Variants in CADM2 observed in about 807,000 individuals in gnomAD.
The protein encoded by CADM2 is immunoglobulin superfamily member 4D.
CADM2 carries 12 observed loss-of-function variants against 49.8 expected under a neutral mutation model. The ratio of observed to expected loss-of-function variants is 0.24; its 90% confidence interval spans 0.15 to 0.39. The LOEUF is 0.39. Ranked by LOEUF, CADM2 falls within the 10% of genes least tolerant of loss-of-function variation. The pLI is 1.00. For missense variants in CADM2, 378 were observed against 492.3 expected (o/e 0.77, Z 2.20); for synonymous variants, 214 against 175.4 (o/e 1.22, Z -1.74).
At chr3:85,538,202 A>C (rs2061465097) in intron 1 of CADM2, among the ~76,000 whole-genome samples, 1 of 152,106 alleles carries the variant, frequency 6.6e-6, no homozygotes, top group Admixed American at 6.6e-5. Context: ...TTTCCTTCCA[A>C]TGCCATGAGA....
chr3:85,315,588 C>G (rs956346776), intron 1 of CADM2, among the ~76,000 whole-genome samples: 1 of 152,032 alleles, frequency 6.6e-6, no homozygotes, highest in South Asian at 2.1e-4. Context: ...AGCTACTACA[C>G]AAGTACAAAC....
intron 1 of CADM2, among the ~76,000 whole-genome samples, chr3:85,554,950 A>G (rs2061920548): frequency 6.6e-6 from 1 of 150,696 alleles, no homozygotes; most frequent in African/African-American, 2.5e-5. Context: ...TCCCAGCCTC[A>G]AACCATCCTC....
At chr3:85,886,460 C>T in intron 5 of CADM2, 133 bp downstream of exon 5, 1 of 623,124 alleles carries the variant, frequency 1.6e-6, no homozygotes, top group Non-Finnish European at 2.7e-6. Flanking sequence ...ACCAGATTTA[C>T]CCATTCTTAA....
intron 1 of CADM2, among the ~76,000 whole-genome samples, chr3:85,181,600 C>A (rs2040936407): frequency 6.6e-6 from 1 of 151,914 alleles, no homozygotes; most frequent in South Asian, 2.1e-4. Flanking sequence ...GGAAGTTTCT[C>A]TAAAAATAAG....
intron 3 of CADM2, among the ~76,000 whole-genome samples, chr3:85,837,363 C>T (rs2074456429): frequency 6.6e-6 from 1 of 151,304 alleles, no homozygotes. Context: ...TTTTAAGTGA[C>T]TATAATATTA....
At chr3:85,688,955 A>G (rs1306320582) in intron 1 of CADM2, among the ~76,000 whole-genome samples, 1 of 152,218 alleles carries the variant, frequency 6.6e-6, no homozygotes, top group Non-Finnish European at 1.5e-5. Flanking sequence ...GAGAAATGAA[A>G]TCAAATGTTC....
At chr3:85,965,417 A>G (rs1725355604) in intron 8 of CADM2, among the ~76,000 whole-genome samples, 1 of 151,224 alleles carries the variant, frequency 6.6e-6, no homozygotes. Context: ...AAATTAGACT[A>G]TTCTTACTCT....
intron 1 of CADM2, among the ~76,000 whole-genome samples, chr3:85,307,714 T>A (rs1459646203): frequency 6.6e-6 from 1 of 151,672 alleles, no homozygotes; most frequent in Non-Finnish European, 1.5e-5. Flanking sequence ...ATAAAATAGG[T>A]CAATTTAATA....
chr3:85,972,944 C>T (rs1726322601), intron 8 of CADM2, among the ~76,000 whole-genome samples: 1 of 151,674 alleles, frequency 6.6e-6, no homozygotes, highest in Non-Finnish European at 1.5e-5. Context: ...TTATTTAGAG[C>T]TCTAACACTT....
intron 1 of CADM2, among the ~76,000 whole-genome samples, chr3:85,630,035 A>G (rs1032764571): frequency 2.0e-5 from 3 of 151,992 alleles, no homozygotes; most frequent in East Asian, 1.9e-4. Flanking sequence ...TGTGATGTCA[A>G]TATTGAATGG....
chr3:85,234,770 G>A (rs1261909139), intron 1 of CADM2, among the ~76,000 whole-genome samples: 1 of 152,124 alleles, frequency 6.6e-6, no homozygotes, highest in African/African-American at 2.4e-5. Context: ...GTACTCTCCA[G>A]AGTAGTAGTA....
intron 2 of CADM2, among the ~76,000 whole-genome samples, chr3:85,751,918 C>G (rs1156825684): frequency 1.3e-5 from 2 of 152,022 alleles, no homozygotes; most frequent in African/African-American, 4.8e-5. Context: ...AGTATGAGAG[C>G]CTTCGTAAGG....
chr3:85,667,364 A>T (rs2065599755), intron 1 of CADM2, among the ~76,000 whole-genome samples: 2 of 151,990 alleles, frequency 1.3e-5, no homozygotes, highest in Admixed American at 1.3e-4. Flanking sequence ...TATTACTAAG[A>T]TATTTTAGAT....
intron 1 of CADM2, among the ~76,000 whole-genome samples, chr3:85,106,277 A>G (rs560752029): frequency 2.0e-5 from 3 of 152,150 alleles, no homozygotes; most frequent in Admixed American, 6.6e-5. Flanking sequence ...TGAATGGGGC[A>G]GATGAAAGTA....
chr3:85,026,825 A>T (rs1216831196), intron 1 of CADM2, among the ~76,000 whole-genome samples: 1 of 152,100 alleles, frequency 6.6e-6, no homozygotes, highest in Non-Finnish European at 1.5e-5. Flanking sequence ...TGCAACTATA[A>T]GCCCTACATT....
intron 1 of CADM2, among the ~76,000 whole-genome samples, chr3:85,072,907 C>A (rs1376987330): frequency 6.6e-6 from 1 of 151,978 alleles, no homozygotes; most frequent in Non-Finnish European, 1.5e-5. Flanking sequence ...TGAATCATTG[C>A]AGGACATTTA....
chr3:85,579,296 C>CTTTCTTTTTT (rs1469965103), intron 1 of CADM2, among the ~76,000 whole-genome samples: 1 of 152,070 alleles, frequency 6.6e-6, no homozygotes, highest in Non-Finnish European at 1.5e-5. Context: ...GTGATTGAAT[C>CTTTCTTTTTT]CCAGGTATCC....
At chr3:85,762,792 G>C (rs1368149420) in intron 2 of CADM2, among the ~76,000 whole-genome samples, 1 of 150,870 alleles carries the variant, frequency 6.6e-6, no homozygotes, top group Non-Finnish European at 1.5e-5. Flanking sequence ...TTAATTATAT[G>C]CCAAAATATC....
intron 1 of CADM2, among the ~76,000 whole-genome samples, chr3:85,120,718 C>T (rs949802989): frequency 1.4e-4 from 22 of 152,108 alleles, no homozygotes; most frequent in Middle Eastern, 6.8e-3. Context: ...AGGAGAAATA[C>T]GTCATGTAGA....
Sources: allele counts gnomAD v4.1 joint callset (sites outside exome capture counted in the v4.1 genomes callset), GRCh38; gene constraint gnomAD v4.1.1; transcripts MANE v1.5; gene names NCBI Gene and HGNC (gene_info 2026-07-23, HGNC 2026-07-21).